The following CEP72 variants were observed in gnomAD, a reference collection of about 807,000 sequenced individuals.
The protein encoded by CEP72 is centrosomal protein of 72 kDa.
A neutral mutation model predicts 65.7 loss-of-function variants in CEP72; 78 were observed. The ratio of observed to expected loss-of-function variants is 1.19; its 90% CI spans 0.99 to 1.43. The LOEUF (loss-of-function observed/expected upper bound fraction) is 1.43. CEP72 is among the 40% of genes most tolerant of loss of function. The pLI, the probability that CEP72 is intolerant of heterozygous loss-of-function variation, is 0.00. For synonymous variants in CEP72, 358 were observed against 351.7 expected (o/e 1.02, Z -0.20); for missense variants, 914 against 832.9 (o/e 1.10, Z -1.20).
At chr5:619,404 T>C (rs537697665) in intron 2 of CEP72, among the ~76,000 whole-genome samples, 1 of 152,318 alleles carries the variant, frequency 6.6e-6, no homozygotes, top group Non-Finnish European at 1.5e-5. Context: ...CCTGGGCTCC[T>C]GGCAGGGTCA....
downstream of CEP72, among the ~76,000 whole-genome samples, chr5:670,585 G>A (rs1740184680): frequency 6.6e-6 from 1 of 152,096 alleles, no homozygotes; most frequent in South Asian, 2.1e-4. Context: ...TTCTGGGGAG[G>A]TTCCTACCTG....
chr5:653,173 C>G lies in CEP72; in HGVS notation c.*20C>G. On this transcript the variant is annotated 3_prime_UTR_variant, in exon 12 of 12. Coordinates refer to ENST00000264935, the MANE Select transcript of CEP72 (RefSeq NM_018140.4). The stretch of plus-strand genomic sequence containing the variant: ...TGCTGACTCCTGCCGAGAAGCTGGG[C>G]CACCCCTTAAGCTTCCTGGTAAAGT... 1 of 1,581,198 alleles carries G rather than the reference C, an allele frequency of 6.3e-7. No individual in the cohort carries two copies. The highest frequency in any genetic ancestry group is 8.6e-7 in the Non-Finnish European group (1 of 1,166,354).
At chr5:619,226 C>A in intron 2 of CEP72, 109 bp downstream of exon 2, 2 of 935,566 alleles carry the variant, frequency 2.1e-6, no homozygotes, top group Non-Finnish European at 3.3e-6. Flanking sequence ...CATCTGTATA[C>A]GGTACACTTT....
chr5:652,260 A>T (rs1739160180), intron 11 of CEP72, among the ~76,000 whole-genome samples: 1 of 152,216 alleles, frequency 6.6e-6, no homozygotes, highest in South Asian at 2.1e-4. Flanking sequence ...TTCTGCCCCC[A>T]GGATTCATGC....
chr5:641,828 G>A (rs1345445489), intron 9 of CEP72: 3 of 982,938 alleles, frequency 3.1e-6, no homozygotes, highest in Admixed American at 6.2e-5. Context: ...CGGTCCAGAA[G>A]CCTCTGCATT....
intron 1 of CEP72, among the ~76,000 whole-genome samples, chr5:617,068 C>T (rs1175822027): frequency 6.6e-6 from 1 of 152,096 alleles, no homozygotes; most frequent in Admixed American, 6.5e-5. Context: ...GTCCTTTGGC[C>T]ATCGAGAGCA....
At chr5:669,471 ACT>A (rs1246411800), downstream of CEP72, among the ~76,000 whole-genome samples, 2 of 151,848 alleles carry the variant, frequency 1.3e-5, no homozygotes, top group African/African-American at 2.4e-5. Flanking sequence ...GGGGGTGTTG[ACT>A]CTCTGGGGCC....
In CEP72 at chr5:637,729, T is replaced by A. The variant is rs747294322; in HGVS notation, c.1117T>A (p.Ser373Thr). 2 of 1,613,226 alleles carry A rather than the reference T, an allele frequency of 1.2e-6. No homozygotes were observed. The highest frequency in any genetic ancestry group is 2.2e-5 in the South Asian group (2 of 91,034). Reference protein sequence around the residue: ...PKESLSRQDSSESRNGRTLSQ... With the variant: ...PKESLSRQDSTESRNGRTLSQ... ...GGAGAGCCTGAGCAGACAGGACAGCTCAGAAAGCAGGAACGGGAGGACCTT... is the reference window on the plus strand; with the variant it reads ...GGAGAGCCTGAGCAGACAGGACAGCACAGAAAGCAGGAACGGGAGGACCTT... Residue 373 changes from serine (S) to threonine (T), a missense_variant, in exon 7 of 12, where the codon TCA (serine) becomes ACA (threonine). Transcript: ENST00000264935.
At chr5:642,767 G>A in intron 9 of CEP72, 4 of 985,480 alleles carry the variant, frequency 4.1e-6, no homozygotes, top group Non-Finnish European at 4.8e-6. Flanking sequence ...GCACCGTCAG[G>A]AACCCCGCGG....
intron 4 of CEP72, among the ~76,000 whole-genome samples, chr5:633,233 T>C (rs1228234473): frequency 2.3e-5 from 2 of 86,654 alleles, no homozygotes; most frequent in East Asian, 4.3e-4. Context: ...TGTCCAGTGC[T>C]GGATTTGACC....
At chr5:644,601 A>G (rs547615960) in intron 10 of CEP72, among the ~76,000 whole-genome samples, 176 bp downstream of exon 10, 6 of 152,270 alleles carry the variant, frequency 3.9e-5, no homozygotes, top group Non-Finnish European at 7.4e-5. Flanking sequence ...GCCGGAGTTT[A>G]TGGCACACAC....
chr5:673,425 G>T, the CEP72 span, among the ~76,000 whole-genome samples: 1 of 152,180 alleles, frequency 6.6e-6, no homozygotes, highest in Middle Eastern at 3.4e-3. Context: ...GCCCTGGGGG[G>T]CCAGGGTCAC....
downstream of CEP72, among the ~76,000 whole-genome samples, chr5:657,878 T>C (rs1739420175): frequency 6.6e-6 from 1 of 152,250 alleles, no homozygotes; most frequent in East Asian, 1.9e-4. Flanking sequence ...GTGTGAGTAA[T>C]ACATTTTGTG....
intron 4 of CEP72, among the ~76,000 whole-genome samples, chr5:627,757 C>T (rs139587036): frequency 5.5e-4 from 83 of 152,100 alleles, no homozygotes; most frequent in Non-Finnish European, 7.6e-4. Flanking sequence ...ACTTATTCCA[C>T]GTGGTTGGAA....
chr5:637,894 C>T, intron 7 of CEP72, 76 bp downstream of exon 7: 1 of 1,349,378 alleles, frequency 7.4e-7, no homozygotes, highest in Non-Finnish European at 9.9e-7. Flanking sequence ...TTTGGCGGGG[C>T]CGTGATTACG....
Position 644,388 on chromosome 5 carries a change from T to A in CEP72, c.1629T>A (p.Ser543Arg). 6.2e-7 allele frequency: 1 copy of A among 1,613,830 alleles called. No individual in the cohort carries two copies. Among genetic ancestry groups the A allele is most frequent in the Non-Finnish European group, 8.5e-7 (1 of 1,179,934 alleles). Residue 543 changes from serine to arginine, a missense_variant, in exon 10 of 12, where the codon AGT becomes AGA. By Grantham distance (110) the Ser-to-Arg change is moderately radical. Transcript: ENST00000264935. ...LLLSMKKEVKSADTAATLNLQ... is the reference protein window; with the variant it reads ...LLLSMKKEVKRADTAATLNLQ... The stretch of plus-strand genomic sequence containing the variant: ...TGAGTATGAAAAAGGAAGTGAAGAG[T>A]GCAGACACTGCAGCCACGTTAAATT...
At chr5:674,206 C>G in the CEP72 span, among the ~76,000 whole-genome samples, 1 of 152,214 alleles carries the variant, frequency 6.6e-6, no homozygotes, top group Non-Finnish European at 1.5e-5. Flanking sequence ...CTGGAACACA[C>G]ATTGGGCGGC....
At chr5:633,985 T>A in intron 5 of CEP72, 38 bp downstream of exon 5, 1 of 1,596,132 alleles carries the variant, frequency 6.3e-7, no homozygotes, top group Non-Finnish European at 8.5e-7. Context: ...GTGGGTCCGC[T>A]GGCTCTGGGA....
At chr5:628,883 G>A (rs1464613174) in intron 4 of CEP72, among the ~76,000 whole-genome samples, 1 of 115,028 alleles carries the variant, frequency 8.7e-6, no homozygotes, top group African/African-American at 3.6e-5. Flanking sequence ...GAGAACTCAG[G>A]TTGCCGTCCC....
Sources: gnomAD v4.1 joint callset for allele counts (sites outside exome capture counted in the v4.1 genomes callset) on GRCh38, gnomAD v4.1.1 for gene constraint, MANE v1.5 for transcripts, NCBI Gene and HGNC (gene_info 2026-07-23, HGNC 2026-07-21) for gene names.